The following MDM1 variants were observed in gnomAD, a reference collection of about 807,000 sequenced individuals.
MDM1 encodes the protein Mdm1 nuclear protein.
In MDM1, 61 loss-of-function variants were observed where a neutral mutation model predicts 89.1. That is an observed-to-expected ratio of 0.68 (90% CI 0.56 to 0.85). The LOEUF (loss-of-function observed/expected upper bound fraction) is 0.85, where lower values mean the gene tolerates loss of function less well. MDM1 is among the 40% of genes least tolerant of loss of function. The probability of loss-of-function intolerance (pLI) is 0.00; values close to 1 mark genes in which losing one functional copy is unlikely to be tolerated. For missense variants in MDM1, 820 were observed against 846.5 expected, an observed-to-expected ratio of 0.97 and a Z score of 0.39; for synonymous variants, 290 against 294.1, an observed-to-expected ratio of 0.99 and a Z score of 0.14.
chr12:68,300,861 A>C (rs1452361178), intron 13 of MDM1, among the ~76,000 whole-genome samples: 3 of 152,210 alleles, frequency 2.0e-5, no homozygotes, highest in South Asian at 4.1e-4. Context: ...TAGAATATAC[A>C]TTCTTCTCAT....
At chr12:68,315,723 T>C (rs1874395874) in intron 9 of MDM1, among the ~76,000 whole-genome samples, 1 of 152,212 alleles carries the variant, frequency 6.6e-6, no homozygotes, top group Admixed American at 6.5e-5. Context: ...TAATGAATAA[T>C]AGCTATGTAT....
intron 2 of MDM1, chr12:68,330,797 G>GTAAGGGCACTGGCTTT: frequency 3.5e-6 from 1 of 287,194 alleles, no homozygotes; most frequent in Non-Finnish European, 6.6e-6. Context: ...CAGCCTTTGT[G>GTAAGGGCACTGGCTTT]TAAGGGCACT....
At chr12:68,321,677 A>T (rs1875257114) in intron 5 of MDM1, 49 bp from the exon 6 acceptor site, 7 of 1,240,564 alleles carry the variant, frequency 5.6e-6, no homozygotes, top group Middle Eastern at 2.7e-4. Flanking sequence ...GTTACACATT[A>T]AAGTGAAAAC....
At chr12:68,319,632 T>A (rs1874959869) in intron 7 of MDM1, among the ~76,000 whole-genome samples, 1 of 152,204 alleles carries the variant, frequency 6.6e-6, no homozygotes, top group African/African-American at 2.4e-5. Context: ...ACTAAAACTG[T>A]TATCATCAAT....
intron 2 of MDM1, among the ~76,000 whole-genome samples, chr12:68,330,301 C>T (rs1324633683): frequency 3.3e-5 from 5 of 152,014 alleles, no homozygotes; most frequent in African/African-American, 4.8e-5. Flanking sequence ...CGGCCAATAA[C>T]GAGATGCAGA....
intron 12 of MDM1, among the ~76,000 whole-genome samples, chr12:68,309,948 A>G (rs543683460): frequency 3.8e-4 from 58 of 152,312 alleles, no homozygotes; most frequent in African/African-American, 1.4e-3. Context: ...TGTCAATAAT[A>G]AACTTGTGTA....
intron 12 of MDM1, among the ~76,000 whole-genome samples, chr12:68,311,426 T>G (rs551046614): frequency 3.9e-5 from 6 of 152,200 alleles, no homozygotes; most frequent in Non-Finnish European, 1.5e-5. Context: ...TCAGTAAGGA[T>G]CTTTCTTCAC....
In MDM1 at chr12:68,332,349, G is replaced by A. The variant is rs1876986926; in HGVS notation, c.-104C>T. The A allele has an allele frequency of 3.6e-6, 5 of 1,372,506 alleles. No individual in the cohort carries two copies. The highest frequency in any genetic ancestry group is 4.9e-6 in the Non-Finnish European group (5 of 1,026,448). 85.0% of individuals were successfully genotyped at this position (1,372,506 alleles called of 1,614,324 possible). ...TTCCCTAGCAAAGCCTCGGCCCGGCGTCCCCGACTACGCGCCGGCGCACTC... is the reference window on the plus strand; with the variant it reads ...TTCCCTAGCAAAGCCTCGGCCCGGCATCCCCGACTACGCGCCGGCGCACTC... On this transcript the variant is annotated 5_prime_UTR_variant, in exon 1 of 15. In the 5' UTR this introduces an upstream ATG that the reference lacks. Transcript: ENST00000682720.
intron 7 of MDM1, among the ~76,000 whole-genome samples, chr12:68,320,352 T>C (rs1875051930): frequency 6.6e-6 from 1 of 152,202 alleles, no homozygotes; most frequent in South Asian, 2.1e-4. Context: ...TCTTTTACTT[T>C]GCCTGTGCTG....
intron 7 of MDM1, among the ~76,000 whole-genome samples, chr12:68,320,323 G>A (rs974262414): frequency 5.3e-5 from 8 of 152,142 alleles, no homozygotes; most frequent in African/African-American, 1.4e-4. Context: ...GATAATATCC[G>A]GGACAGCTTT....
In MDM1 at chr12:68,302,882, A is replaced by T; in HGVS notation, c.1750-10T>A. On this transcript the variant is annotated splice_polypyrimidine_tract_variant and intron_variant, in intron 12 of 14. Coordinates refer to ENST00000682720, the MANE Select transcript of MDM1 (RefSeq NM_001354969.2). ...CAGCACGACTTTCTTTCTAAATGAC[A>T]AAAAAAAAAAAAAAAAAAAGATGCC... is the stretch of plus-strand genomic sequence containing the variant. 1 of 184,760 alleles carries T rather than the reference A, an allele frequency of 5.4e-6. No individual in the cohort carries two copies. Among genetic ancestry groups the T allele is most frequent in the Admixed American group, 9.0e-5 (1 of 11,072 alleles). 11.4% of individuals were successfully genotyped at this position (184,760 alleles called of 1,614,324 possible).
intron 12 of MDM1, among the ~76,000 whole-genome samples, chr12:68,303,994 T>A (rs1000044607): frequency 6.6e-6 from 1 of 152,156 alleles, no homozygotes; most frequent in African/African-American, 2.4e-5. Context: ...TCCTAGCAAT[T>A]TGGGATACTT....
In MDM1 at chr12:68,313,866, G is replaced by C. The variant is rs981447228; in HGVS notation, c.1530-113C>G. The C allele has an allele frequency of 2.3e-5, 21 of 896,060 alleles. No individual in the cohort carries two copies. The African/African-American group carries it at 2.7e-4, about 11-fold the overall frequency. 55.5% of individuals were successfully genotyped at this position (896,060 alleles called of 1,614,324 possible). On this transcript the variant is annotated intron_variant, in intron 10 of 14. Transcript: ENST00000682720. ...AAGTATAAAACTTGTAAGAGGCCAG[G>C]CGCGGTGGCTCACGCCCGTAATCCC...
At chr12:68,295,518 A>G in intron 14 of MDM1, 152 bp from the exon 15 acceptor site, 1 of 545,404 alleles carries the variant, frequency 1.8e-6, no homozygotes, top group Admixed American at 3.5e-5. Flanking sequence ...AATGTAAGAT[A>G]CTAACACTCT....
intron 12 of MDM1, among the ~76,000 whole-genome samples, chr12:68,308,950 TTC>T (rs1873313100): frequency 2.0e-5 from 3 of 152,174 alleles, no homozygotes. Context: ...TTTCATCCAC[TTC>T]TGTCTATTCC....
chr12:68,304,905 C>T (rs1298180654), intron 12 of MDM1, among the ~76,000 whole-genome samples: 1 of 152,164 alleles, frequency 6.6e-6, no homozygotes, highest in Admixed American at 6.5e-5. Flanking sequence ...GAATAACATC[C>T]AAGAGAATAA....
chr12:68,301,953 A>G (rs1485187243), intron 13 of MDM1, among the ~76,000 whole-genome samples: 4 of 152,182 alleles, frequency 2.6e-5, no homozygotes, highest in Admixed American at 2.6e-4. Flanking sequence ...GGCTGGGATT[A>G]CAAACATGAG....
At chr12:68,297,033 CT>C in intron 13 of MDM1, 51 bp from the exon 14 acceptor site, 1 of 1,374,624 alleles carries the variant, frequency 7.3e-7, no homozygotes, top group Non-Finnish European at 1.0e-6. Context: ...CACTGAACAG[CT>C]TATCTCAATT....
rs1255844305 is a variant in MDM1 at position 68,332,288 on chromosome 12, G to T, written c.-43C>A. The T allele has an allele frequency of 3.8e-6, 6 of 1,568,602 alleles. No homozygotes were observed. The highest frequency in any genetic ancestry group is 2.6e-6 in the Non-Finnish European group (3 of 1,158,162). On this transcript the variant is annotated 5_prime_UTR_variant, in exon 1 of 15. Transcript: ENST00000682720. ...CCCCCGCTACTCCGACAGTTAACTG[G>T]AGAAAAAGCTCCGAGGGGGCGGGGC...
Sources: allele counts gnomAD v4.1 joint callset (sites outside exome capture counted in the v4.1 genomes callset), GRCh38; gene constraint gnomAD v4.1.1; transcripts MANE v1.5; gene names NCBI Gene and HGNC (gene_info 2026-07-23, HGNC 2026-07-21).